The following VSIG10 variants were observed in gnomAD, a reference collection of about 807,000 sequenced individuals.
VSIG10 encodes the protein V-set and immunoglobulin domain-containing protein 10.
Under a neutral mutation model 58.7 loss-of-function variants are expected in VSIG10, and 48 were observed. That is an observed-to-expected ratio of 0.82 (90% CI 0.65 to 1.04). The LOEUF is 1.04. Ranked by LOEUF, VSIG10 falls within the 50% of genes least tolerant of loss-of-function variation. The pLI, the probability that VSIG10 is intolerant of heterozygous loss-of-function variation, is 0.00. For synonymous variants in VSIG10, 260 were observed against 267.1 expected (o/e 0.97, Z 0.26); for missense variants, 628 against 670.0 (o/e 0.94, Z 0.69).
intron 5 of VSIG10, among the ~76,000 whole-genome samples, 185 bp downstream of exon 5, chr12:118,073,514 A>G (rs75764496): frequency 0.13 from 19,068 of 152,206 alleles, 1,352 homozygotes; most frequent in South Asian, 0.19. Flanking sequence ...ACCTATGGAA[A>G]TATTAGTGAG....
intron 2 of VSIG10, among the ~76,000 whole-genome samples, chr12:118,085,138 T>C (rs1303424041): frequency 6.6e-6 from 1 of 152,196 alleles, no homozygotes; most frequent in Non-Finnish European, 1.5e-5. Context: ...GTACCCAGCA[T>C]TCCCTTTCCC....
rs61398559 is a variant in VSIG10, at chr12:118,070,048, C to T, written c.1346+1004G>A. 6.4e-3 allele frequency among the ~76,000 whole-genome samples: 968 copies of T among 152,126 alleles called. 8 individuals carry two copies. Among genetic ancestry groups the T allele is most frequent in the African/African-American group, 0.021 (891 of 41,490 alleles). On this transcript the variant is annotated intron_variant, in intron 7 of 8. Transcript: ENST00000359236. ...GGGCAGTAAAGGTAATGTTTTGCTA[C>T]GAAAGATGGTCCCAGGTCAATAATA...
chr12:118,078,800 A>G (rs1165822590), intron 4 of VSIG10, among the ~76,000 whole-genome samples: 1 of 151,766 alleles, frequency 6.6e-6, no homozygotes, highest in Non-Finnish European at 1.5e-5. Flanking sequence ...TTAGCTGGGC[A>G]TGATGGTGCA....
At chr12:118,088,764 A>G (rs952708456) in intron 2 of VSIG10, among the ~76,000 whole-genome samples, 2 of 152,092 alleles carry the variant, frequency 1.3e-5, no homozygotes, top group Admixed American at 1.3e-4. Flanking sequence ...GTGTATTTGA[A>G]TCAAAGGGTA....
At chr12:118,066,975 C>T (rs1047517585) in intron 8 of VSIG10, among the ~76,000 whole-genome samples, 4 of 152,086 alleles carry the variant, frequency 2.6e-5, no homozygotes, top group African/African-American at 9.7e-5. Context: ...CCAACTCAGC[C>T]GTCTTAACGC....
intron 1 of VSIG10, among the ~76,000 whole-genome samples, chr12:118,096,534 C>T (rs1221335982): frequency 1.3e-5 from 2 of 148,748 alleles, no homozygotes; most frequent in Non-Finnish European, 3.0e-5. Flanking sequence ...GCCGAGATCG[C>T]ACCATTGCAC....
In VSIG10 at chr12:118,066,673, C is replaced by A. The variant is rs1426961358; in HGVS notation, c.1589G>T (p.Ser530Ile). 9 of 1,612,302 alleles carry A rather than the reference C, an allele frequency of 5.6e-6. No individual in the cohort carries two copies. Among genetic ancestry groups the A allele is most frequent in the Admixed American group, 3.3e-5 (2 of 59,780 alleles). The change falls in exon 9 of 9, where the codon AGT (serine) becomes ATT (isoleucine). Residue 530 changes from serine to isoleucine, a missense_variant. Transcript: ENST00000359236. The part of the protein sequence containing the change: ...DLQDDSSEEQ[S>I]DIVQEEDRPV ...CCTGTCTTCTTCTTGAACAATGTCACTTTGCTCCTCACTGCTGTCATCTGT... is the reference window on the plus strand; with the variant it reads ...CCTGTCTTCTTCTTGAACAATGTCAATTTGCTCCTCACTGCTGTCATCTGT...
At chr12:118,082,061 G>T in intron 3 of VSIG10, 66 bp downstream of exon 3, 3 of 1,344,732 alleles carry the variant, frequency 2.2e-6, no homozygotes, top group African/African-American at 1.5e-5. Context: ...AGGCACAAAC[G>T]TGCAGTTCAT....
intron 1 of VSIG10, among the ~76,000 whole-genome samples, chr12:118,098,425 G>A (rs1227759149): frequency 6.6e-6 from 1 of 151,928 alleles, no homozygotes; most frequent in Non-Finnish European, 1.5e-5. Context: ...AATGGCCCTA[G>A]AGTTCAAGTT....
At chr12:118,083,992 G>A (rs1490420692) in intron 2 of VSIG10, among the ~76,000 whole-genome samples, 2 of 152,052 alleles carry the variant, frequency 1.3e-5, no homozygotes, top group African/African-American at 4.8e-5. Flanking sequence ...TGGTGGTGCA[G>A]GTAAGTAGTC....
At chr12:118,095,077 A>G (rs1037391445) in intron 2 of VSIG10, among the ~76,000 whole-genome samples, 11 of 152,050 alleles carry the variant, frequency 7.2e-5, no homozygotes, top group Admixed American at 7.2e-4. Context: ...CTAATTTTTT[A>G]TATTTTTAAT....
chr12:118,089,893 A>C (rs1423925985), intron 2 of VSIG10, among the ~76,000 whole-genome samples: 1 of 152,042 alleles, frequency 6.6e-6, no homozygotes, highest in African/African-American at 2.4e-5. Flanking sequence ...TATACCTTCA[A>C]TTCTCCCTTC....
At chr12:118,068,194 CTTTTTT>C (rs71069404) in intron 8 of VSIG10, among the ~76,000 whole-genome samples, 177 bp downstream of exon 8, 1,030 of 100,282 alleles carry the variant, frequency 0.01, 10 homozygotes, top group Middle Eastern at 0.027. Context: ...GCTAATTTTT[CTTTTTT>C]TTTTTTTTTT....
chr12:118,066,416 C>T lies in VSIG10; in HGVS notation c.*223G>A. ...ACCAAAGCAGCTTTCCTTCTCAAAG[C>T]TTTTAAACATCATTGGGAAAACTTA... On this transcript the variant is annotated 3_prime_UTR_variant, in exon 9 of 9. Coordinates refer to ENST00000359236, the MANE Select transcript of VSIG10 (RefSeq NM_019086.6). 1 of 579,276 alleles carries T rather than the reference C, an allele frequency of 1.7e-6. No homozygotes were observed. Among genetic ancestry groups the T allele is most frequent in the South Asian group, 2.0e-5 (1 of 50,640 alleles). The allele number at this position is 579,276 out of a possible 1,614,324, so 35.9% of individuals were successfully genotyped here.
intron 2 of VSIG10, among the ~76,000 whole-genome samples, chr12:118,095,283 C>T (rs1291767529): frequency 2.0e-5 from 3 of 152,086 alleles, no homozygotes; most frequent in African/African-American, 4.8e-5. Context: ...TCAAGTGATC[C>T]GCCCGGCTTG....
rs768111075 is a variant in VSIG10, at chr12:118,095,639, G to A, written c.255C>T (p.Ala85=). The A allele has an allele frequency of 6.2e-7, 1 of 1,613,974 alleles. No individual in the cohort carries two copies. Among genetic ancestry groups the A allele is most frequent in the Admixed American group, 1.7e-5 (1 of 59,992 alleles). ...TCAGCGATTCAATGTGCAGGGAGGT[G>A]GCATCCACTAGAGAGAAGCGAGGCT... ...PAEPRFSLVD[A]TSLHIESLSL... Residue 85 remains alanine (A), a synonymous_variant, in exon 2 of 9, where the codon GCC becomes GCT. Transcript: ENST00000359236.
At chr12:118,068,298 GTGC>G in intron 8 of VSIG10, 76 bp downstream of exon 8, 6 of 1,433,664 alleles carry the variant, frequency 4.2e-6, no homozygotes, top group Non-Finnish European at 5.7e-6. Flanking sequence ...GCCTCCCAAA[GTGC>G]TGGGATTATA....
At chr12:118,093,542 T>C (rs1566175576) in intron 2 of VSIG10, among the ~76,000 whole-genome samples, 1 of 151,988 alleles carries the variant, frequency 6.6e-6, no homozygotes, top group Non-Finnish European at 1.5e-5. Flanking sequence ...TCAGCAGATA[T>C]GACAGACTGT....
chr12:118,071,474 AAAGAC>A lies in VSIG10; in HGVS notation c.1220-10_1220-6del. 1 of 1,612,564 alleles carries A rather than the reference AAAGAC, an allele frequency of 6.2e-7. No homozygotes were observed. Among genetic ancestry groups the A allele is most frequent in the Non-Finnish European group, 8.5e-7 (1 of 1,178,568 alleles). Reference sequence around the variant, plus strand: ...TCCCCCCGATATTTAAAGGTTCTGTAAAGACAAATCACACCATTGATTCTTCCATC... The same window carrying A: ...TCCCCCCGATATTTAAAGGTTCTGTAAAATCACACCATTGATTCTTCCATC... On this transcript the variant is annotated splice_polypyrimidine_tract_variant and splice_region_variant and intron_variant, in intron 5 of 8. Coordinates refer to ENST00000359236, the MANE Select transcript of VSIG10 (RefSeq NM_019086.6).
Sources: allele counts gnomAD v4.1 joint callset (sites outside exome capture counted in the v4.1 genomes callset), GRCh38; gene constraint gnomAD v4.1.1; transcripts MANE v1.5; gene names NCBI Gene and HGNC (gene_info 2026-07-23, HGNC 2026-07-21).